RIF1: variants seen among roughly 807,000 people sequenced by gnomAD.
RIF1 encodes telomere-associated protein RIF1.
A neutral mutation model predicts 247.1 loss-of-function variants in RIF1; 45 were observed. The ratio of observed to expected loss-of-function variants is 0.18; its 90% CI spans 0.14 to 0.23. The LOEUF (loss-of-function observed/expected upper bound fraction) is 0.23. RIF1 is among the 10% of genes least tolerant of loss of function. The pLI is 1.00. For missense variants in RIF1, 2,967 were observed against 2,862.5 expected, an observed-to-expected ratio of 1.04 and a Z score of -0.83; for synonymous variants, 1,087 against 978.8, an observed-to-expected ratio of 1.11 and a Z score of -2.06.
At chr2:151,445,142 T>C (rs946025153) in intron 18 of RIF1, among the ~76,000 whole-genome samples, 196 bp from the exon 19 acceptor site, 38 of 152,240 alleles carry the variant, frequency 2.5e-4, no homozygotes, top group Non-Finnish European at 1.2e-4. Flanking sequence ...CAGTAGGACC[T>C]CATCTGAACA....
At chr2:151,456,100 A>AGCCTC (rs1695153068) in intron 22 of RIF1, among the ~76,000 whole-genome samples, 1 of 152,232 alleles carries the variant, frequency 6.6e-6, no homozygotes, top group Non-Finnish European at 1.5e-5. Flanking sequence ...AGAAAAAAAA[A>AGCCTC]GCCTCAGTAA....
chr2:151,446,155 C>T (rs1162308186), intron 19 of RIF1, among the ~76,000 whole-genome samples: 2 of 152,000 alleles, frequency 1.3e-5, no homozygotes, highest in East Asian at 1.9e-4. Context: ...TACAGGCATC[C>T]GCCACTTCGT....
chr2:151,497,015 T>C (rs2152956262), intron 10 of RIF1: 2 of 1,571,492 alleles, frequency 1.3e-6, no homozygotes, highest in East Asian at 2.3e-5. Flanking sequence ...CCCTTGCCCA[T>C]GTTTTCTTTG....
At chr2:151,499,695 A>G (rs1277995801) in intron 11 of RIF1, among the ~76,000 whole-genome samples, 1 of 152,264 alleles carries the variant, frequency 6.6e-6, no homozygotes, top group Non-Finnish European at 1.5e-5. Context: ...TCAGTGTACA[A>G]TAGAAAAATT....
chr2:151,507,195 TAAA>T, intron 13 of RIF1: 1 of 549,946 alleles, frequency 1.8e-6, no homozygotes, highest in South Asian at 2.3e-5. Context: ...AAACTAATTT[TAAA>T]AAACATATAA....
chr2:151,434,267 AT>A lies in RIF1; in HGVS notation c.1077+1040del, dbSNP rs1372079594. On this transcript the variant is annotated intron_variant, in intron 10 of 35. Transcript: ENST00000444746. Reference sequence around the variant, plus strand: ...TTTCTTGCTCCGTTTTCTAGGCTGCATAGTGATAACCAATGACTGAATCCTA... The same window carrying A: ...TTTCTTGCTCCGTTTTCTAGGCTGCAAGTGATAACCAATGACTGAATCCTA... Among the ~76,000 whole-genome samples, 10 of 152,100 alleles carry A rather than the reference AT, an allele frequency of 6.6e-5. No individual in the cohort carries two copies. In the East Asian group the frequency reaches 1.9e-3, roughly 29 times the overall value.
chr2:151,450,132 A>G (rs1412687181), intron 20 of RIF1, among the ~76,000 whole-genome samples: 4 of 151,234 alleles, frequency 2.6e-5, no homozygotes, highest in Admixed American at 6.6e-5. Flanking sequence ...GTGAGCCACC[A>G]CACCCAGCCT....
intron 10 of RIF1, among the ~76,000 whole-genome samples, chr2:151,496,008 A>T (rs1339111322): frequency 6.6e-6 from 1 of 152,208 alleles, no homozygotes; most frequent in Non-Finnish European, 1.5e-5. Flanking sequence ...GGGGTAGTGG[A>T]TAGAGAGTAA....
chr2:151,467,674 G>A (rs2444273), intron 30 of RIF1, among the ~76,000 whole-genome samples: 9,804 of 152,170 alleles, frequency 0.064, 1,038 homozygotes, highest in African/African-American at 0.22. Flanking sequence ...CTTCTTTCTA[G>A]TCTGGTAATC....
At chr2:151,414,727 C>A in intron 3 of RIF1, 96 bp from the exon 4 acceptor site, 1 of 740,506 alleles carries the variant, frequency 1.4e-6, no homozygotes, top group Non-Finnish European at 2.3e-6. Flanking sequence ...GTTGGAGTAA[C>A]ATGATGAATA....
intron 20 of RIF1, among the ~76,000 whole-genome samples, chr2:151,447,237 C>T (rs532728142): frequency 6.6e-6 from 1 of 152,186 alleles, no homozygotes; most frequent in South Asian, 2.1e-4. Flanking sequence ...GCCACCGCGC[C>T]CGGCCTCTTT....
the RIF1 span, chr2:151,514,961 A>C: frequency 7.1e-7 from 1 of 1,401,512 alleles, no homozygotes; most frequent in Non-Finnish European, 9.8e-7. Context: ...ACAAGTTAAA[A>C]AAAAATCTTT....
downstream of RIF1, among the ~76,000 whole-genome samples, chr2:151,482,381 T>C (rs1311454782): frequency 6.6e-6 from 1 of 152,218 alleles, no homozygotes; most frequent in Admixed American, 6.5e-5. Flanking sequence ...TTTTATGGGT[T>C]CCACTGGTTT....
the RIF1 span, among the ~76,000 whole-genome samples, chr2:151,520,593 G>A: frequency 6.6e-6 from 1 of 152,194 alleles, no homozygotes; most frequent in East Asian, 1.9e-4. Flanking sequence ...AGCCAGGTGT[G>A]GTGGCTCATG....
rs1695658655 is a variant in RIF1 at position 151,458,814 on chromosome 2, A to T, written c.2859A>T (p.Pro953=). The change falls in exon 25 of 36, where the codon CCA becomes CCT. Residue 953 remains proline, a synonymous_variant. Transcript: ENST00000444746. The stretch of plus-strand genomic sequence containing the variant: ...TATTTTATGTACTTTTTTAAAGACC[A>T]GTACTAACACAAGCCAAACAAAAAT... The part of the protein sequence containing the change: ...MMLVYPEELK[P]VLTQAKQKFL... 3.8e-6 allele frequency: 6 copies of T among 1,594,728 alleles called. No homozygotes were observed. Among genetic ancestry groups the T allele is most frequent in the Non-Finnish European group, 5.1e-6 (6 of 1,165,918 alleles).
At chr2:151,519,198 A>T in the RIF1 span, 1 of 704,164 alleles carries the variant, frequency 1.4e-6, no homozygotes, top group Non-Finnish European at 2.5e-6. Context: ...TACCTCATTC[A>T]TAGTAGCCAG....
Position 151,463,375 on chromosome 2 carries a change from G to T in RIF1, c.3855G>T (p.Lys1285Asn). 6.2e-7 allele frequency: 1 copy of T among 1,614,006 alleles called. No homozygotes were observed. The change falls in exon 30 of 36, where the codon AAG becomes AAT. Residue 1285 changes from lysine (K) to asparagine (N), a missense_variant. Physicochemically the swap from Lys to Asn is moderately conservative, Grantham distance 94 (BLOSUM62 0). Transcript: ENST00000444746. ...SDSEKIVNGT[K>N]RSSRRAGKAE... ...CTGAAAAAATAGTGAATGGAACTAAGAGATCAAGCCGGAGAGCTGGTAAAG... is the reference window on the plus strand; with the variant it reads ...CTGAAAAAATAGTGAATGGAACTAATAGATCAAGCCGGAGAGCTGGTAAAG...
At chr2:151,426,420 C>T (rs756799692) in intron 8 of RIF1, among the ~76,000 whole-genome samples, 4 of 151,258 alleles carry the variant, frequency 2.6e-5, no homozygotes, top group South Asian at 2.1e-4. Flanking sequence ...GTAATCCTCC[C>T]GCCTTGGCCT....
chr2:151,529,899 C>T, the RIF1 span, among the ~76,000 whole-genome samples: 2 of 152,248 alleles, frequency 1.3e-5, no homozygotes, highest in African/African-American at 4.8e-5. Context: ...TCAGGTTTTC[C>T]TTTCCCCAAA....
Sources: gnomAD v4.1 joint callset for allele counts (sites outside exome capture counted in the v4.1 genomes callset) on GRCh38, gnomAD v4.1.1 for gene constraint, MANE v1.5 for transcripts, NCBI Gene and HGNC (gene_info 2026-07-23, HGNC 2026-07-21) for gene names.